TMEM132D: variants seen among roughly 807,000 people sequenced by gnomAD.
TMEM132D encodes the protein mature OL transmembrane protein.
In TMEM132D, 21 loss-of-function variants were observed where a neutral mutation model predicts 62.3. The ratio of observed to expected loss-of-function variants is 0.34; its 90% CI spans 0.24 to 0.49. The LOEUF is 0.49. Ranked by LOEUF, TMEM132D falls within the 20% of genes least tolerant of loss-of-function variation. The pLI is 0.99. For missense variants in TMEM132D, 1,346 were observed against 1,402.8 expected (o/e 0.96, Z 0.65); for synonymous variants, 621 against 575.6 (o/e 1.08, Z -1.13).
intron 5 of TMEM132D, among the ~76,000 whole-genome samples, chr12:129,103,405 C>A (rs1386218853): frequency 6.6e-6 from 1 of 152,226 alleles, no homozygotes; most frequent in Admixed American, 6.5e-5. Context: ...ACCTCGGAGG[C>A]CTGGCTTCCA....
chr12:129,215,254 C>T (rs1018291005), intron 4 of TMEM132D, among the ~76,000 whole-genome samples: 18 of 152,190 alleles, frequency 1.2e-4, no homozygotes, highest in African/African-American at 3.1e-4. Flanking sequence ...CACATGTTCT[C>T]GCTTATAAGT....
At chr12:129,599,206 G>T (rs914497849) in intron 2 of TMEM132D, among the ~76,000 whole-genome samples, 4 of 152,090 alleles carry the variant, frequency 2.6e-5, no homozygotes, top group Admixed American at 2.6e-4. Flanking sequence ...CACCACCTTT[G>T]GAATTCCCAG....
At chr12:129,355,873 G>A (rs927402672) in intron 3 of TMEM132D, among the ~76,000 whole-genome samples, 1 of 152,156 alleles carries the variant, frequency 6.6e-6, no homozygotes, top group African/African-American at 2.4e-5. Flanking sequence ...GGGCCCTCAC[G>A]CAGAGTCCGA....
intron 4 of TMEM132D, among the ~76,000 whole-genome samples, chr12:129,227,867 C>T (rs1376723342): frequency 1.3e-5 from 2 of 151,956 alleles, no homozygotes; most frequent in Non-Finnish European, 2.9e-5. Flanking sequence ...TTTGTCCTTG[C>T]GATAGTTTGC....
intron 1 of TMEM132D, among the ~76,000 whole-genome samples, chr12:129,761,120 C>T (rs991779632): frequency 1.2e-4 from 18 of 152,060 alleles, no homozygotes; most frequent in African/African-American, 4.3e-4. Context: ...ATGTGGTAAA[C>T]GCTGGTTTGG....
intron 4 of TMEM132D, among the ~76,000 whole-genome samples, chr12:129,331,411 G>A (rs1869100899): frequency 6.6e-6 from 1 of 152,126 alleles, no homozygotes; most frequent in African/African-American, 2.4e-5. Flanking sequence ...GGATAATACA[G>A]ACATTGTCTG....
chr12:129,307,699 T>C (rs1364046319), intron 4 of TMEM132D, among the ~76,000 whole-genome samples: 1 of 152,134 alleles, frequency 6.6e-6, no homozygotes, highest in East Asian at 1.9e-4. Context: ...TCCTTGTTGC[T>C]GTAACTGCAG....
intron 3 of TMEM132D, among the ~76,000 whole-genome samples, chr12:129,491,787 C>T (rs1874803684): frequency 6.6e-6 from 1 of 152,054 alleles, no homozygotes. Context: ...ACTAAAAATA[C>T]AAAAATTAGC....
At chr12:129,638,313 C>G (rs530780000) in intron 2 of TMEM132D, among the ~76,000 whole-genome samples, 1 of 152,108 alleles carries the variant, frequency 6.6e-6, no homozygotes, top group Non-Finnish European at 1.5e-5. Flanking sequence ...CACCTCCAAC[C>G]TTTACCCCCA....
chr12:129,715,636 T>C (rs1389083575), intron 1 of TMEM132D, among the ~76,000 whole-genome samples: 1 of 152,226 alleles, frequency 6.6e-6, no homozygotes, highest in African/African-American at 2.4e-5. Context: ...GTTCCTTTAC[T>C]CCACGGAAAT....
chr12:129,400,642 A>C (rs911030044), intron 3 of TMEM132D, among the ~76,000 whole-genome samples: 1 of 152,160 alleles, frequency 6.6e-6, no homozygotes, highest in African/African-American at 2.4e-5. Flanking sequence ...TCAAAAATCC[A>C]ATTAATGAAC....
intron 2 of TMEM132D, among the ~76,000 whole-genome samples, chr12:129,576,428 ATG>A (rs1461925903): frequency 6.6e-6 from 1 of 151,860 alleles, no homozygotes; most frequent in African/African-American, 2.4e-5. Context: ...ATATTTGTAT[ATG>A]TGTGTCTATA....
chr12:129,185,260 G>A (rs1387770711), intron 5 of TMEM132D, among the ~76,000 whole-genome samples: 1 of 152,068 alleles, frequency 6.6e-6, no homozygotes, highest in Non-Finnish European at 1.5e-5. Flanking sequence ...ACATCTCTAA[G>A]CTTTCAAAGA....
At chr12:129,358,136 C>G (rs1870133005) in intron 3 of TMEM132D, among the ~76,000 whole-genome samples, 2 of 152,080 alleles carry the variant, frequency 1.3e-5, no homozygotes, top group Admixed American at 1.3e-4. Flanking sequence ...TTATAATACC[C>G]TGAGGTCTGG....
intron 3 of TMEM132D, among the ~76,000 whole-genome samples, chr12:129,467,949 C>T (rs946922831): frequency 3.9e-5 from 6 of 152,012 alleles, no homozygotes; most frequent in African/African-American, 1.5e-4. Flanking sequence ...GGTAAATGTC[C>T]GAAAAGCATT....
At chr12:129,459,729 T>C (rs902872410) in intron 3 of TMEM132D, among the ~76,000 whole-genome samples, 2 of 152,216 alleles carry the variant, frequency 1.3e-5, no homozygotes, top group African/African-American at 4.8e-5. Flanking sequence ...GTTTTTCATA[T>C]TTTTTACTCA....
intron 3 of TMEM132D, among the ~76,000 whole-genome samples, chr12:129,377,172 G>A (rs1236660226): frequency 6.6e-6 from 1 of 152,196 alleles, no homozygotes; most frequent in Non-Finnish European, 1.5e-5. Flanking sequence ...GGTGCACACA[G>A]AGGAAAGAAC....
At chr12:129,740,949 T>C (rs1203207265) in intron 1 of TMEM132D, among the ~76,000 whole-genome samples, 4 of 152,224 alleles carry the variant, frequency 2.6e-5, no homozygotes, top group African/African-American at 9.6e-5. Flanking sequence ...ACATTAAAGA[T>C]GTAATTTTAG....
At position 129,249,714 on chromosome 12, in the gene TMEM132D, G is replaced by T. The variant is rs558519882; in HGVS notation, c.1300-40051C>A. ...AGTTACAATAACAGATATTTACTTC[G>T]GCCGATGGAGACAGAAAAAGAGTTT... On this transcript the variant is annotated intron_variant, in intron 4 of 8. Coordinates refer to ENST00000422113, the MANE Select transcript of TMEM132D (RefSeq NM_133448.3). Among the ~76,000 whole-genome samples, 6 of 152,164 alleles carry T rather than the reference G, an allele frequency of 3.9e-5. No individual in the cohort carries two copies. In the East Asian group the frequency reaches 1.2e-3, roughly 29 times the overall value.
Sources: allele counts gnomAD v4.1 joint callset (sites outside exome capture counted in the v4.1 genomes callset), GRCh38; gene constraint gnomAD v4.1.1; transcripts MANE v1.5; gene names NCBI Gene and HGNC (gene_info 2026-07-23, HGNC 2026-07-21).